NAV3: variants seen among roughly 807,000 people sequenced by gnomAD.
NAV3 encodes pore membrane and/or filament interacting like protein 1.
A neutral mutation model predicts 244.7 loss-of-function variants in NAV3; 87 were observed. The ratio of observed to expected loss-of-function variants is 0.36; its 90% confidence interval spans 0.30 to 0.42. The LOEUF is 0.42. Among genes scored for constraint, NAV3 ranks in the 20% least tolerant of loss-of-function variants. The pLI, the probability that NAV3 is intolerant of heterozygous loss-of-function variation, is 1.00. For synonymous variants in NAV3, 1,126 were observed against 1,042.2 expected (o/e 1.08, Z -1.55); for missense variants, 2,663 against 2,893.3 (o/e 0.92, Z 1.83).
At chr12:78,094,878 C>G (rs1472747163) in intron 12 of NAV3, among the ~76,000 whole-genome samples, 1 of 151,720 alleles carries the variant, frequency 6.6e-6, no homozygotes, top group African/African-American at 2.4e-5. Context: ...GAAACCCCGT[C>G]TCTACTAAAA....
chr12:77,962,643 C>G (rs1892132766), intron 3 of NAV3, among the ~76,000 whole-genome samples: 1 of 152,102 alleles, frequency 6.6e-6, no homozygotes, highest in South Asian at 2.1e-4. Context: ...ACGAACCCCA[C>G]CAGAAAAGAG....
chr12:78,097,834 C>T (rs1954335499), intron 12 of NAV3, among the ~76,000 whole-genome samples: 2 of 152,016 alleles, frequency 1.3e-5, no homozygotes, highest in South Asian at 2.1e-4. Context: ...TTTTACATAA[C>T]GTTTCCCTTT....
intron 2 of NAV3, among the ~76,000 whole-genome samples, chr12:77,795,044 CT>C (rs1277457900): frequency 6.6e-6 from 1 of 152,102 alleles, no homozygotes. Flanking sequence ...AAATCAAAAG[CT>C]GGAAAAGATT....
At chr12:77,789,932 C>T (rs1372623042) in intron 2 of NAV3, among the ~76,000 whole-genome samples, 1 of 151,762 alleles carries the variant, frequency 6.6e-6, no homozygotes, top group East Asian at 1.9e-4. Context: ...TCAAAGCTGT[C>T]CTGGGCCGAA....
At chr12:78,059,194 T>C (rs1019220328) in intron 12 of NAV3, 79 bp downstream of exon 12, 1 of 1,320,958 alleles carries the variant, frequency 7.6e-7, no homozygotes, top group Admixed American at 2.4e-5. Flanking sequence ...AAACTCCTAT[T>C]AAACAGTGTA....
At chr12:78,103,876 AAGATG>A (rs1273152260) in intron 12 of NAV3, among the ~76,000 whole-genome samples, 1 of 152,246 alleles carries the variant, frequency 6.6e-6, no homozygotes, top group Non-Finnish European at 1.5e-5. Flanking sequence ...AATACAATTC[AAGATG>A]AGATTTGGGT....
intron 2 of NAV3, among the ~76,000 whole-genome samples, chr12:77,688,350 A>G (rs1216423953): frequency 2.0e-5 from 3 of 152,034 alleles, no homozygotes; most frequent in Non-Finnish European, 2.9e-5. Context: ...ATATGTACAC[A>G]TTCTACCCTA....
intron 1 of NAV3, among the ~76,000 whole-genome samples, chr12:77,833,283 CATG>C (rs1874033210): frequency 6.6e-6 from 1 of 152,044 alleles, no homozygotes; most frequent in African/African-American, 2.4e-5. Flanking sequence ...ATGCTTTATG[CATG>C]ATAAGAATTA....
chr12:78,203,948 C>T (rs559698684), intron 38 of NAV3, among the ~76,000 whole-genome samples: 1 of 150,336 alleles, frequency 6.7e-6, no homozygotes, highest in African/African-American at 2.4e-5. Flanking sequence ...TTGGATTTAT[C>T]TGATTCTTCC....
At chr12:78,140,030 G>T (rs1161516196) in intron 19 of NAV3, among the ~76,000 whole-genome samples, 1 of 152,152 alleles carries the variant, frequency 6.6e-6, no homozygotes, top group Non-Finnish European at 1.5e-5. Context: ...AAACAGGCTG[G>T]TAGGGCTCAT....
rs1451414057 is a variant in NAV3, at chr12:78,049,958, T to C, written c.2024-35T>C. Reference sequence around the variant, plus strand: ...ACAATTATTTTGAGGATACTAAATGTCATGAATAGCAAATTTATCATATTG... The same window carrying C: ...ACAATTATTTTGAGGATACTAAATGCCATGAATAGCAAATTTATCATATTG... On this transcript the variant is annotated intron_variant, in intron 9 of 39. Transcript: ENST00000397909. 2.0e-6 allele frequency: 3 copies of C among 1,476,196 alleles called. No individual in the cohort carries two copies. The African/African-American group carries it at 4.2e-5, about 21-fold the overall frequency. 91.4% of individuals were successfully genotyped at this position (1,476,196 alleles called of 1,614,324 possible).
Position 78,180,929 on chromosome 12 carries a change from C to G in NAV3, c.5576C>G (p.Thr1859Arg), listed in dbSNP as rs2139733762. ...NDRLKAETGN[T>R]AKPTRPPSES... The stretch of plus-strand genomic sequence containing the variant: ...CGGTTGAAGGCAGAAACTGGTAACA[C>G]AGCTAAGCCTACTCGGCCACCGTCA... Residue 1859 changes from threonine to arginine, a missense_variant, in exon 30 of 40, where the codon ACA (threonine) becomes AGA (arginine). Physicochemically the swap from Thr to Arg is moderately conservative, Grantham distance 71. Transcript: ENST00000397909. 1 of 1,613,062 alleles carries G rather than the reference C, an allele frequency of 6.2e-7. No homozygotes were observed. The highest frequency in any genetic ancestry group is 2.2e-5 in the East Asian group (1 of 44,758).
intron 12 of NAV3, among the ~76,000 whole-genome samples, chr12:78,115,614 A>G (rs1385334042): frequency 6.6e-6 from 1 of 152,194 alleles, no homozygotes; most frequent in Admixed American, 6.5e-5. Flanking sequence ...CACTTCAGTC[A>G]TTTGGTCATT....
chr12:77,856,946 A>T (rs2136296834), intron 1 of NAV3, among the ~76,000 whole-genome samples: 1 of 152,280 alleles, frequency 6.6e-6, no homozygotes, highest in East Asian at 1.9e-4. Flanking sequence ...CTAATTTTTT[A>T]GATTTCATTT....
chr12:77,936,562 A>C (rs1020293931), intron 1 of NAV3, among the ~76,000 whole-genome samples: 1 of 152,302 alleles, frequency 6.6e-6, no homozygotes, highest in African/African-American at 2.4e-5. Flanking sequence ...CAATTTCTTC[A>C]CTAAAAAAAC....
At chr12:78,137,154 G>C (rs969230738) in intron 18 of NAV3, 23 bp from the exon 19 acceptor site, 6 of 1,599,936 alleles carry the variant, frequency 3.8e-6, no homozygotes, top group South Asian at 3.4e-5. Flanking sequence ...AGAGTAATAG[G>C]CTCTGTGTGT....
chr12:77,900,566 A>G (rs1885165173), intron 1 of NAV3, among the ~76,000 whole-genome samples: 1 of 149,776 alleles, frequency 6.7e-6, no homozygotes, highest in African/African-American at 2.4e-5. Context: ...GCACATGCAC[A>G]CGCGTATGTG....
intron 23 of NAV3, among the ~76,000 whole-genome samples, chr12:78,165,032 C>A (rs1190441720): frequency 1.3e-5 from 2 of 152,024 alleles, no homozygotes; most frequent in African/African-American, 4.8e-5. Flanking sequence ...GCATTTCAAG[C>A]CTGACCTGAA....
rs12317400 is a variant in NAV3 at position 77,788,180 on chromosome 12, A to G, written c.73-152139A>G. Reference sequence around the variant, plus strand: ...TACTGAATATCAATAGACCCAAATAACATCTTTATGGTGGACTTGATTGAA... The same window carrying G: ...TACTGAATATCAATAGACCCAAATAGCATCTTTATGGTGGACTTGATTGAA... On this transcript the variant is annotated intron_variant, in intron 2 of 8. Coordinates refer to the NAV3 transcript ENST00000550042. Among the ~76,000 whole-genome samples, 1,046 of 152,304 alleles carry G rather than the reference A, an allele frequency of 6.9e-3. 14 individuals are homozygous for G. The highest frequency in any genetic ancestry group is 0.024 in the African/African-American group (993 of 41,564).
Sources: allele counts gnomAD v4.1 joint callset (sites outside exome capture counted in the v4.1 genomes callset), GRCh38; gene constraint gnomAD v4.1.1; transcripts MANE v1.5; gene names NCBI Gene and HGNC (gene_info 2026-07-23, HGNC 2026-07-21).